NKAIN4: variants seen among roughly 807,000 people sequenced by gnomAD.
The protein encoded by NKAIN4 is sodium/potassium-transporting ATPase subunit beta-1-interacting protein 4.
In NKAIN4, 28 loss-of-function variants were observed where a neutral mutation model predicts 28.8. The ratio of observed to expected loss-of-function variants is 0.97; its 90% CI spans 0.72 to 1.33. The LOEUF (loss-of-function observed/expected upper bound fraction) is 1.33. Among genes scored for constraint, NKAIN4 ranks in the 40% most tolerant of loss-of-function variants. The probability of loss-of-function intolerance (pLI) is 0.00; values close to 1 mark genes in which losing one functional copy is unlikely to be tolerated. For synonymous variants in NKAIN4, 122 were observed against 115.6 expected, an observed-to-expected ratio of 1.06 and a Z score of -0.36; for missense variants, 289 against 277.2, an observed-to-expected ratio of 1.04 and a Z score of -0.30.
At chr20:63,246,806 C>G (rs368942257) in intron 4 of NKAIN4, 4 of 985,340 alleles carry the variant, frequency 4.1e-6, no homozygotes, top group East Asian at 1.1e-4. Flanking sequence ...CAGCTTTTGC[C>G]TCTTTCTGAG....
intron 4 of NKAIN4, among the ~76,000 whole-genome samples, chr20:63,246,081 C>T (rs1276205998): frequency 1.3e-5 from 2 of 152,164 alleles, no homozygotes; most frequent in African/African-American, 2.4e-5. Context: ...GCGCCCGCCA[C>T]CACGCCCGGC....
chr20:63,247,816 A>C (rs1188514457), intron 3 of NKAIN4, 41 bp from the exon 4 acceptor site: 1 of 1,421,034 alleles, frequency 7.0e-7, no homozygotes, highest in Non-Finnish European at 9.2e-7. Context: ...TAGCACCAGG[A>C]GGTGGGCGGC....
chr20:63,242,608 C>T lies in NKAIN4; in HGVS notation c.548G>A (p.Gly183Glu). 3 of 1,612,452 alleles carry T rather than the reference C, an allele frequency of 1.9e-6. No homozygotes were observed. Among genetic ancestry groups the T allele is most frequent in the African/African-American group, 1.3e-5 (1 of 74,994 alleles). ...EEEDSFDFIG[G>E]FDPFPLYHVN... is the part of the protein sequence containing the mutation. ...ATGGTAGAGAGGAAATGGATCAAAT[C>T]CACCAATGAAATCAACTGAAAGAAA... The change falls in exon 6 of 7, where the codon GGA (glycine) becomes GAA (glutamate). Residue 183 changes from glycine to glutamate, a missense_variant. Gly to Glu is a moderately conservative substitution (Grantham distance 98, BLOSUM62 -2). Transcript: ENST00000370316.
upstream of NKAIN4, chr20:63,254,658 CGCGCCGGCCGG>C: frequency 2.6e-6 from 1 of 385,580 alleles, no homozygotes. Context: ...CTGGGGGCTT[CGCGCCGGCCGG>C]AGAGGGGGAC....
At chr20:63,254,317 AG>A in intron 1 of NKAIN4, 79 bp downstream of exon 1, 1 of 1,154,856 alleles carries the variant, frequency 8.7e-7, no homozygotes, top group Non-Finnish European at 1.1e-6. Context: ...CCCGGGGCGG[AG>A]GGACGCTTCG....
In NKAIN4 at chr20:63,247,918, C is replaced by T; in HGVS notation, c.274-143G>A. On this transcript the variant is annotated intron_variant, in intron 3 of 6. Coordinates refer to ENST00000370316, the MANE Select transcript of NKAIN4 (RefSeq NM_152864.4). ...CCCCTGTCCTCCCACTGCACCCCGC[C>T]CCCAGGGCTCCAGCCATGGTGGGGA... is the stretch of plus-strand genomic sequence containing the variant. 4 of 1,213,056 alleles carry T rather than the reference C, an allele frequency of 3.3e-6. 1 individual carries two copies. The South Asian group carries it at 1.1e-4, about 32-fold the overall frequency. 75.1% of individuals were successfully genotyped at this position (1,213,056 alleles called of 1,614,324 possible). A position where few individuals can be genotyped will look rare whatever the true frequency, so the allele number is the denominator to read the frequency against.
At chr20:63,247,846 G>A (rs1047705423) in intron 3 of NKAIN4, 71 bp from the exon 4 acceptor site, 59 of 1,407,290 alleles carry the variant, frequency 4.2e-5, no homozygotes, top group Non-Finnish European at 5.0e-5. Context: ...TGCAGCCTGC[G>A]GGGACGCCAC....
chr20:63,244,710 C>T (rs1473230530), intron 4 of NKAIN4, among the ~76,000 whole-genome samples: 1 of 152,174 alleles, frequency 6.6e-6, no homozygotes, highest in Non-Finnish European at 1.5e-5. Context: ...CTGCAAAGCC[C>T]CACACACCTC....
At chr20:63,244,371 C>T in intron 4 of NKAIN4, 1 of 531,156 alleles carries the variant, frequency 1.9e-6, no homozygotes, top group South Asian at 1.6e-5. Flanking sequence ...GCAGGTCAGC[C>T]TGAGTGGCTG....
At chr20:63,244,590 G>C in intron 4 of NKAIN4, 1 of 469,112 alleles carries the variant, frequency 2.1e-6, no homozygotes, top group South Asian at 1.5e-5. Flanking sequence ...CTGAGGACTC[G>C]GGGTCCAGCG....
At chr20:63,247,117 A>G in intron 4 of NKAIN4, 2 of 1,046,376 alleles carry the variant, frequency 1.9e-6, no homozygotes, top group Middle Eastern at 4.6e-4. Context: ...GGTTCCCGAC[A>G]AGGCTGAGGG....
chr20:63,248,156 G>A (rs1331098493), intron 3 of NKAIN4: 1 of 187,046 alleles, frequency 5.3e-6, no homozygotes, highest in Non-Finnish European at 1.1e-5. Context: ...CAGGAAGCGG[G>A]GGCCCGTCTG....
At chr20:63,248,716 C>T (rs2066903251) in intron 3 of NKAIN4, 99 bp downstream of exon 3, 1 of 771,724 alleles carries the variant, frequency 1.3e-6, no homozygotes, top group Non-Finnish European at 2.3e-6. Context: ...TGAGCCCCTG[C>T]CTCAGACGAC....
intron 6 of NKAIN4, 151 bp downstream of exon 6, chr20:63,242,388 A>T: frequency 2.9e-6 from 2 of 698,740 alleles, no homozygotes; most frequent in South Asian, 3.3e-5. Context: ...CATGAAGCAG[A>T]TGTTAGAAAA....
intron 4 of NKAIN4, chr20:63,244,494 A>G (rs1317885487): frequency 4.2e-6 from 2 of 475,754 alleles, no homozygotes; most frequent in South Asian, 3.1e-5. Context: ...CACTCCAGCC[A>G]GCAGCCACCA....
In NKAIN4 at chr20:63,245,017, G is replaced by A. The variant is rs548492066; in HGVS notation, c.472-933C>T. On this transcript the variant is annotated intron_variant, in intron 4 of 6. Transcript: ENST00000370316. This position sits in a 1 kb window ranked among gnomAD's most constrained non-coding sequence, Gnocchi z 4.7. ...CATAGACTTGGCCCAACAGCCCCCC[G>A]TGAAGGCCACCGTGCCCAGGAGAGG... Among the ~76,000 whole-genome samples, 5 of 152,282 alleles carry A rather than the reference G, an allele frequency of 3.3e-5. No homozygotes were observed. Among genetic ancestry groups the A allele is most frequent in the Admixed American group, 6.5e-5 (1 of 15,302 alleles).
At position 63,252,354 on chromosome 20, in the gene NKAIN4, G is replaced by A. The variant is rs1009616687; in HGVS notation, c.54+2043C>T. Among the ~76,000 whole-genome samples the A allele has an allele frequency of 5.9e-5, 9 of 152,136 alleles. No individual in the cohort carries two copies. The highest frequency in any genetic ancestry group is 8.8e-5 in the Non-Finnish European group (6 of 68,020). On this transcript the variant is annotated intron_variant, in intron 1 of 6. Coordinates refer to ENST00000370316, the MANE Select transcript of NKAIN4 (RefSeq NM_152864.4). The surrounding 1 kb of genome is among the most constrained non-coding windows in gnomAD (Gnocchi z 4.6). ...CTGGGAATTGGACGCAGCACAGCCCGGCTCAGAGCCAGCAAAGTTCACACT... is the reference window on the plus strand; with the variant it reads ...CTGGGAATTGGACGCAGCACAGCCCAGCTCAGAGCCAGCAAAGTTCACACT...
intron 6 of NKAIN4, among the ~76,000 whole-genome samples, chr20:63,241,953 C>A (rs2066760040): frequency 6.6e-6 from 1 of 152,162 alleles, no homozygotes; most frequent in African/African-American, 2.4e-5. Flanking sequence ...GGCGTGCCAT[C>A]AGGTGTGTCT....
intron 4 of NKAIN4, among the ~76,000 whole-genome samples, chr20:63,246,218 G>T (rs370126540): frequency 6.6e-6 from 1 of 152,178 alleles, no homozygotes; most frequent in African/African-American, 2.4e-5. Flanking sequence ...GTGAGCCACC[G>T]CACCCAGCCT....
Sources: gnomAD v4.1 joint callset for allele counts (sites outside exome capture counted in the v4.1 genomes callset) on GRCh38, gnomAD v4.1.1 for gene constraint, Gnocchi (gnomAD v3.1) non-coding constraint, MANE v1.5 for transcripts, NCBI Gene and HGNC (gene_info 2026-07-23, HGNC 2026-07-21) for gene names.